The following TARM1 variants were observed in gnomAD, a reference collection of about 807,000 sequenced individuals.
TARM1 encodes T cell-interacting, activating receptor on myeloid cells 1, also known as T-cell-interacting, activating receptor on myeloid cells protein 1.
In TARM1, 24 loss-of-function variants were observed where a neutral mutation model predicts 30.4. The ratio of observed to expected loss-of-function variants is 0.79; its 90% CI spans 0.57 to 1.11. TARM1 has a LOEUF of 1.11. TARM1 is among the 50% of genes least tolerant of loss of function. The probability of loss-of-function intolerance (pLI) is 0.00; values close to 1 mark genes in which losing one functional copy is unlikely to be tolerated. For missense variants in TARM1, 323 were observed against 332.8 expected (o/e 0.97, Z 0.23); for synonymous variants, 129 against 138.9 (o/e 0.93, Z 0.50).
chr19:54,069,934 C>G lies in TARM1; in HGVS notation c.*69G>C. The stretch of plus-strand genomic sequence containing the variant: ...TGTCTCATCCTGTGACTTAGAAAGC[C>G]TCAACCCCCTGGGAATGCAGTCCAG... On this transcript the variant is annotated 3_prime_UTR_variant, in exon 5 of 5. Coordinates refer to ENST00000432826, the MANE Select transcript of TARM1 (RefSeq NM_001135686.3). 8.0e-7 allele frequency: 1 copy of G among 1,253,680 alleles called. No individual in the cohort carries two copies. The highest frequency in any genetic ancestry group is 2.5e-5 in the East Asian group (1 of 39,428). 77.7% of individuals were successfully genotyped at this position (1,253,680 alleles called of 1,614,324 possible). A position where few individuals can be genotyped will look rare whatever the true frequency, so the allele number is the denominator to read the frequency against.
intron 1 of TARM1, among the ~76,000 whole-genome samples, chr19:54,080,143 GCAAGCAAGCAAGC>G (rs2072078266): frequency 3.5e-5 from 3 of 84,844 alleles, no homozygotes; most frequent in Admixed American, 1.6e-4. Context: ...AAGGAAGAAA[GCAAGCAAGCAAGC>G]AAGCAAGCAA....
chr19:54,074,076 G>A lies in TARM1; in HGVS notation c.502C>T (p.Pro168Ser), dbSNP rs866970849. Residue 168 changes from proline (P) to serine (S), a missense_variant, in exon 4 of 5, where the codon CCC (proline) becomes TCC (serine). Transcript: ENST00000432826. ...FALLKAGTPS[P>S]IQLQSPAGKE... ...CCCGCTGGACTCTGCAGCTGGATGGGTGATGGCGTCCCTGCCTTCAGTAGA... is the reference window on the plus strand; with the variant it reads ...CCCGCTGGACTCTGCAGCTGGATGGATGATGGCGTCCCTGCCTTCAGTAGA... 1.4e-5 allele frequency: 22 copies of A among 1,551,712 alleles called. No homozygotes were observed. The Middle Eastern group carries it at 3.2e-3, about 224-fold the overall frequency.
At chr19:54,080,089 A>G (rs2146227276) in intron 1 of TARM1, among the ~76,000 whole-genome samples, 7 of 67,446 alleles carry the variant, frequency 1.0e-4, no homozygotes, top group African/African-American at 5.5e-4. Context: ...GAGAAAGAGA[A>G]AGAAAGGAAG....
At chr19:54,081,110 G>A (rs1425220217) in intron 1 of TARM1, among the ~76,000 whole-genome samples, 197 bp downstream of exon 1, 2 of 152,164 alleles carry the variant, frequency 1.3e-5, no homozygotes, top group African/African-American at 2.4e-5. Context: ...CAAAACTCAC[G>A]AAGTTGAAAC....
intron 4 of TARM1, among the ~76,000 whole-genome samples, chr19:54,072,995 A>C (rs587632418): frequency 6.6e-6 from 1 of 152,140 alleles, no homozygotes; most frequent in African/African-American, 2.4e-5. Context: ...AAATGAAACA[A>C]AACAAAACAA....
intron 1 of TARM1, chr19:54,076,305 A>C (rs762449368): frequency 1.9e-6 from 2 of 1,043,502 alleles, no homozygotes; most frequent in South Asian, 1.6e-5. Flanking sequence ...TTCCAGAGAC[A>C]GAGTCTCGCT....
chr19:54,075,558 G>T (rs2071929215), intron 2 of TARM1, among the ~76,000 whole-genome samples: 1 of 150,990 alleles, frequency 6.6e-6, no homozygotes, highest in Non-Finnish European at 1.5e-5. Context: ...ACCTTGGGAG[G>T]CCAAGGCAGG....
chr19:54,081,259 A>G, intron 1 of TARM1, 48 bp downstream of exon 1: 2 of 1,534,436 alleles, frequency 1.3e-6, no homozygotes. Context: ...CTATCCCACC[A>G]GTTCCATGAT....
intron 1 of TARM1, among the ~76,000 whole-genome samples, chr19:54,079,591 C>T (rs1186045923): frequency 6.6e-6 from 1 of 152,168 alleles, no homozygotes; most frequent in East Asian, 1.9e-4. Flanking sequence ...GTGGCTCACG[C>T]CTGTAATCCC....
Position 54,080,190 on chromosome 19 carries a change from A to AGCAG in TARM1, c.34+1113_34+1116dup, listed in dbSNP as rs1555775598. ...AAGCAAGCAAGCAAGCAAGCAAGCA[A>AGCAG]GCAGGCAAGCAAGCGGGGGCTCACG... is the stretch of plus-strand genomic sequence containing the variant. On this transcript the variant is annotated intron_variant, in intron 1 of 4. Transcript: ENST00000432826. Among the ~76,000 whole-genome samples the AGCAG allele has an allele frequency of 7.2e-5, 9 of 125,704 alleles. 1 individual carries two copies. Among genetic ancestry groups the AGCAG allele is most frequent in the Non-Finnish European group, 1.4e-4 (8 of 55,208 alleles). The allele number at this position is 125,704 out of a possible 152,430, so 82.5% of individuals were successfully genotyped here.
rs1337743038 is a variant in TARM1, at chr19:54,080,047, A to AGGAAGGAAGGAG, written c.34+1259_34+1260insCTCCTTCCTTCC. ...AAGGAAGGAAGGAAGGAAGGAAGGA[A>AGGAAGGAAGGAG]GGGAAAGAGAGAGAGGAAGGAAGGA... is the stretch of plus-strand genomic sequence containing the variant. On this transcript the variant is annotated intron_variant, in intron 1 of 4. Coordinates refer to ENST00000432826, the MANE Select transcript of TARM1 (RefSeq NM_001135686.3). Among the ~76,000 whole-genome samples, 322 of 134,636 alleles carry AGGAAGGAAGGAG rather than the reference A, an allele frequency of 2.4e-3. 7 individuals are homozygous for AGGAAGGAAGGAG. Among genetic ancestry groups the AGGAAGGAAGGAG allele is most frequent in the Middle Eastern group, 7.5e-3 (2 of 268 alleles). The allele number at this position is 134,636 out of a possible 152,430, so 88.3% of individuals were successfully genotyped here.
chr19:54,080,079 GA>G (rs1326345892), intron 1 of TARM1, among the ~76,000 whole-genome samples: 14 of 117,478 alleles, frequency 1.2e-4, no homozygotes, highest in African/African-American at 4.9e-4. Flanking sequence ...AGGAATGAAG[GA>G]GAAAGAGAAA....
intron 1 of TARM1, 60 bp downstream of exon 1, chr19:54,081,247 A>G: frequency 2.0e-6 from 3 of 1,509,148 alleles, no homozygotes; most frequent in East Asian, 2.5e-5. Context: ...TCCCCAGCCC[A>G]ACTATCCCAC....
rs1010210729 is a variant in TARM1, at chr19:54,081,195, T to A, written c.34+112A>T. 2.4e-5 allele frequency: 24 copies of A among 1,000,968 alleles called. No homozygotes were observed. In the African/African-American group the frequency reaches 3.9e-4, roughly 16 times the overall value. 62.0% of individuals were successfully genotyped at this position (1,000,968 alleles called of 1,614,324 possible). On this transcript the variant is annotated intron_variant, in intron 1 of 4. Coordinates refer to ENST00000432826, the MANE Select transcript of TARM1 (RefSeq NM_001135686.3). Reference sequence around the variant, plus strand: ...TGCACTCAGCAGGACGTCTCACTCCTCCCGTGTGCTCAGTAAGCCAAAGTT... The same window carrying A: ...TGCACTCAGCAGGACGTCTCACTCCACCCGTGTGCTCAGTAAGCCAAAGTT...
intron 1 of TARM1, chr19:54,076,413 A>C: frequency 1.9e-6 from 1 of 522,314 alleles, no homozygotes; most frequent in Non-Finnish European, 3.3e-6. Flanking sequence ...CCCAGGCTGG[A>C]GTAGAGTGAC....
chr19:54,074,685 G>A (rs2071899690), intron 3 of TARM1, 139 bp downstream of exon 3: 6 of 904,026 alleles, frequency 6.6e-6, no homozygotes, highest in African/African-American at 3.4e-5. Context: ...ACCAACATAT[G>A]CAATTTCGTT....
Position 54,070,138 on chromosome 19 carries a change from G to C in TARM1, c.681C>G (p.Ser227Arg), listed in dbSNP as rs1225008089. ...LVTVPPGTTS[S>R]NYSLGNFVRL... ...GTACGAAGTTACCCAGGGAGTAGTTGCTCGATGTGGTACCTGGGGGAACTG... is the reference window on the plus strand; with the variant it reads ...GTACGAAGTTACCCAGGGAGTAGTTCCTCGATGTGGTACCTGGGGGAACTG... Residue 227 changes from serine to arginine, a missense_variant, in exon 5 of 5, where the codon AGC (serine) becomes AGG (arginine). Coordinates refer to ENST00000432826, the MANE Select transcript of TARM1 (RefSeq NM_001135686.3). 2 of 1,551,666 alleles carry C rather than the reference G, an allele frequency of 1.3e-6. No individual in the cohort carries two copies. Among genetic ancestry groups the C allele is most frequent in the South Asian group, 1.2e-5 (1 of 84,070 alleles).
At position 54,073,514 on chromosome 19, in the gene TARM1, GAC is replaced by G. The variant is rs2071865419; in HGVS notation, c.658+404_658+405del. Among the ~76,000 whole-genome samples, 4 of 149,716 alleles carry G rather than the reference GAC, an allele frequency of 2.7e-5. No individual in the cohort carries two copies. The South Asian group carries it at 8.5e-4, about 32-fold the overall frequency. ...TTTGTTTTTTGTTTTTTGTTTTTGA[GAC>G]AGAGTCTCACTCTATTGCCCAGGCT... On this transcript the variant is annotated intron_variant, in intron 4 of 4. Coordinates refer to ENST00000432826, the MANE Select transcript of TARM1 (RefSeq NM_001135686.3).
Position 54,081,325 on chromosome 19 carries a change from G to A in TARM1, c.16C>T (p.Leu6Phe), listed in dbSNP as rs1208890194. MIPKL[L>F]SLLCFRLCVG... The stretch of plus-strand genomic sequence containing the variant: ...GACTTACTGAAACAGAGGAGGGAAA[G>A]CAGCTTAGGGATCATGATGGCTCCT... Residue 6 changes from leucine to phenylalanine, a missense_variant, in exon 1 of 5, where the codon CTT becomes TTT. By Grantham distance (22) the Leu-to-Phe change is conservative (BLOSUM62 0). Coordinates refer to ENST00000432826, the MANE Select transcript of TARM1 (RefSeq NM_001135686.3). The A allele has an allele frequency of 3.6e-5, 55 of 1,545,812 alleles. 1 individual carries two copies. Among genetic ancestry groups the A allele is most frequent in the Non-Finnish European group, 4.3e-5 (49 of 1,144,946 alleles).
Sources: allele counts gnomAD v4.1 joint callset (sites outside exome capture counted in the v4.1 genomes callset), GRCh38; gene constraint gnomAD v4.1.1; transcripts MANE v1.5; gene names NCBI Gene and HGNC (gene_info 2026-07-23, HGNC 2026-07-21).